The following FMNL3 variants were observed in gnomAD, a reference collection of about 807,000 sequenced individuals.
The protein encoded by FMNL3 is formin-like protein 3.
FMNL3 carries 57 observed loss-of-function variants against 119.6 expected under a neutral mutation model. The ratio of observed to expected loss-of-function variants is 0.48; its 90% CI spans 0.39 to 0.59. FMNL3 has a LOEUF of 0.59. Among genes scored for constraint, FMNL3 ranks in the 20% least tolerant of loss-of-function variants. The pLI, the probability that FMNL3 is intolerant of heterozygous loss-of-function variation, is 0.00. For synonymous variants in FMNL3, 491 were observed against 507.3 expected (o/e 0.97, Z 0.43); for missense variants, 1,053 against 1,323.5 (o/e 0.80, Z 3.17).
rs762915552 is a variant in FMNL3, at chr12:49,658,563, C to T, written c.484G>A (p.Asp162Asn). Residue 162 changes from aspartate to asparagine, a missense_variant, in exon 6 of 26, where the codon GAT (aspartate) becomes AAT (asparagine). Asp to Asn is a conservative substitution (Grantham distance 23, BLOSUM62 1). This residue lies in a region of FMNL3 where 264 missense variants were observed against 265.5 expected (regional missense o/e 0.99). Coordinates refer to ENST00000335154, the MANE Select transcript of FMNL3 (RefSeq NM_175736.5). ...GACCGGAGTTTGTCAAATGCACCAT[C>T]GTCACCACTTTCCAGACCCTCAAAG... ...FDFEGLESGD[D>N]GAFDKLRSWS... is the part of the protein sequence containing the mutation. 190 of 1,612,186 alleles carry T rather than the reference C, an allele frequency of 1.2e-4. No individual in the cohort carries two copies. Among genetic ancestry groups the T allele is most frequent in the Non-Finnish European group, 1.5e-4 (178 of 1,179,104 alleles).
chr12:49,675,420 A>G (rs1276946285), intron 1 of FMNL3, among the ~76,000 whole-genome samples: 1 of 152,134 alleles, frequency 6.6e-6, no homozygotes, highest in Non-Finnish European at 1.5e-5. Flanking sequence ...AGAGCCTCGC[A>G]TTCTCCCTGC....
chr12:49,656,773 C>A, intron 8 of FMNL3, 50 bp downstream of exon 8: 2 of 1,527,478 alleles, frequency 1.3e-6, no homozygotes, highest in Non-Finnish European at 1.8e-6. Flanking sequence ...GAGTACAGAT[C>A]TCCAGAGCCC....
chr12:49,701,078 CA>C (rs61171112), intron 1 of FMNL3, among the ~76,000 whole-genome samples: 25,454 of 75,708 alleles, frequency 0.34, 2,906 homozygotes, highest in African/African-American at 0.54. Context: ...GACTCCATCT[CA>C]AAAAAAAAAA....
chr12:49,645,546 T>G lies in FMNL3; in HGVS notation c.*269A>C. 2.2e-6 allele frequency: 1 copy of G among 446,110 alleles called. No homozygotes were observed. The highest frequency in any genetic ancestry group is 3.9e-5 in the South Asian group (1 of 25,480). 27.6% of individuals were successfully genotyped at this position (446,110 alleles called of 1,614,324 possible). A position where few individuals can be genotyped will look rare whatever the true frequency, so the allele number is the denominator to read the frequency against. On this transcript the variant is annotated 3_prime_UTR_variant, in exon 26 of 26. Coordinates refer to ENST00000335154, the MANE Select transcript of FMNL3 (RefSeq NM_175736.5). ...GCCCTGTTTAGGCTAAGGCTGGAAA[T>G]GGTTTTTCCTAGCCCTGAGCTGACC... is the stretch of plus-strand genomic sequence containing the variant.
In FMNL3 at chr12:49,665,782, G is replaced by A. The variant is rs768393750; in HGVS notation, c.368+50C>T. ...GAGGACACCAGACCCTGTGTGCCCA[G>A]CCAGCAGCCTGGGGCCAGATGAAGA... is the stretch of plus-strand genomic sequence containing the variant. On this transcript the variant is annotated intron_variant, in intron 4 of 25. Transcript: ENST00000335154. The A allele has an allele frequency of 1.9e-6, 3 of 1,576,018 alleles. No individual in the cohort carries two copies. The Admixed American group carries it at 5.0e-5, about 26-fold the overall frequency.
chr12:49,649,075 C>G lies in FMNL3; in HGVS notation c.2469G>C (p.Leu823=). 1 of 1,612,866 alleles carries G rather than the reference C, an allele frequency of 6.2e-7. No homozygotes were observed. Among genetic ancestry groups the G allele is most frequent in the Non-Finnish European group, 8.5e-7 (1 of 1,179,310 alleles). The change falls in exon 21 of 26, where the codon CTG becomes CTC. Residue 823 remains leucine (L), a synonymous_variant. Coordinates refer to ENST00000335154, the MANE Select transcript of FMNL3 (RefSeq NM_175736.5). This position sits in a 1 kb window ranked among gnomAD's most constrained non-coding sequence, Gnocchi z 5.6. ...ALTVKEKYPD[L]ANFWHELHFV... ...AGTGCAGCTCATGCCAGAAGTTAGC[C>G]AGGTCTGGGTATTTCTCCTTCACTG...
chr12:49,651,857 G>A, intron 14 of FMNL3, 76 bp downstream of exon 14: 1 of 1,459,626 alleles, frequency 6.9e-7, no homozygotes. Flanking sequence ...TCTCCCTGAG[G>A]AAGACACTGC....
Position 49,636,959 on chromosome 12 carries a change from G to C in FMNL3, c.*8856C>G, listed in dbSNP as rs1941900853. ...ACGCTGCCTGTTCTTTCTGTGCCTA[G>C]CCCTGTCCAAGCTCTATGAGACCTC... On this transcript the variant is annotated 3_prime_UTR_variant, in exon 26 of 26. Transcript: ENST00000335154. 1 of 1,517,676 alleles carries C rather than the reference G, an allele frequency of 6.6e-7. No individual in the cohort carries two copies. 94.0% of individuals were successfully genotyped at this position (1,517,676 alleles called of 1,614,324 possible).
Position 49,651,194 on chromosome 12 carries a change from C to T in FMNL3, c.1771G>A (p.Glu591Lys), listed in dbSNP as rs776117483. The change falls in exon 16 of 26, where the codon GAA (glutamate) becomes AAA (lysine). Residue 591 changes from glutamate to lysine, a missense_variant. Physicochemically the swap from Glu to Lys is moderately conservative, Grantham distance 56 (BLOSUM62 1). This residue lies in a region of FMNL3 where 445 missense variants were observed against 628.4 expected (regional missense o/e 0.71). Transcript: ENST00000335154. ...TCCAAGATCTTCTCATCATCAAGTT[C>T]GCTGAAGACAGTGCCACTGATCTGG... The part of the protein sequence containing the change: ...PNQISGTVFS[E>K]LDDEKILEDL... 1.1e-5 allele frequency: 17 copies of T among 1,613,352 alleles called. No individual in the cohort carries two copies. The highest frequency in any genetic ancestry group is 4.5e-5 in the East Asian group (2 of 44,872).
intron 1 of FMNL3, among the ~76,000 whole-genome samples, chr12:49,691,778 A>T (rs548661502): frequency 2.6e-5 from 4 of 152,230 alleles, no homozygotes; most frequent in Admixed American, 2.6e-4. Flanking sequence ...TCACGCCTAT[A>T]ATCCCAGCAC....
chr12:49,638,527 A>G lies in FMNL3; in HGVS notation c.*7288T>C, dbSNP rs1431480001. On this transcript the variant is annotated 3_prime_UTR_variant, in exon 26 of 26. Transcript: ENST00000335154. ...GCCTGTTGCTCTTCTTCTACTGGAG[A>G]AGAGAAATAGTTCTCAATATTTACA... 1 of 152,224 alleles carries G rather than the reference A, an allele frequency of 6.6e-6. No individual in the cohort carries two copies. Among genetic ancestry groups the G allele is most frequent in the Non-Finnish European group, 1.5e-5 (1 of 68,038 alleles). The allele number at this position is 152,224 out of a possible 1,614,324, so 9.4% of individuals were successfully genotyped here.
intron 4 of FMNL3, among the ~76,000 whole-genome samples, chr12:49,662,929 C>T (rs1368965463): frequency 2.0e-5 from 3 of 152,214 alleles, no homozygotes; most frequent in Non-Finnish European, 4.4e-5. Context: ...GTGCTCTACT[C>T]CTTCAGAATT....
At chr12:49,699,721 CAT>C (rs1944849996) in intron 1 of FMNL3, among the ~76,000 whole-genome samples, 1 of 152,098 alleles carries the variant, frequency 6.6e-6, no homozygotes, top group Non-Finnish European at 1.5e-5. Context: ...ATTACATAGA[CAT>C]ATGTATATAA....
rs570860061 is a variant in FMNL3, at chr12:49,648,016, T to G, written c.2676+177A>C. Among the ~76,000 whole-genome samples, 16 of 150,792 alleles carry G rather than the reference T, an allele frequency of 1.1e-4. 1 individual carries two copies. Among genetic ancestry groups the G allele is most frequent in the Admixed American group, 1.1e-3 (16 of 15,194 alleles). ...GCTGCCTGGCACTCCCAAAGCGCTC[T>G]CTCTCCCCTACATGTCTCCAGAGGC... On this transcript the variant is annotated intron_variant, in intron 22 of 25. Transcript: ENST00000335154.
rs906881875 is a variant in FMNL3 at position 49,691,698 on chromosome 12, A to C, written c.126+15357T>G. ...CTCTCTCGCACTTTTCTTTTGGCTT[A>C]GTGCGAAAAGTAAGAGAGGAGCCTT... On this transcript the variant is annotated intron_variant, in intron 1 of 25. Coordinates refer to ENST00000335154, the MANE Select transcript of FMNL3 (RefSeq NM_175736.5). Among the ~76,000 whole-genome samples the C allele has an allele frequency of 3.9e-5, 6 of 152,104 alleles. No individual in the cohort carries two copies. The South Asian group carries it at 1.0e-3, about 26-fold the overall frequency.
At chr12:49,656,572 G>T (rs1565873138) in intron 8 of FMNL3, 75 bp from the exon 9 acceptor site, 1 of 1,375,598 alleles carries the variant, frequency 7.3e-7, no homozygotes, top group South Asian at 1.3e-5. Context: ...CCCTGACTGG[G>T]TAAGTCCTTT....
intron 2 of FMNL3, among the ~76,000 whole-genome samples, chr12:49,667,227 G>A (rs968140847): frequency 2.0e-5 from 3 of 152,016 alleles, no homozygotes; most frequent in Middle Eastern, 3.4e-3. Context: ...AAATGTCCAG[G>A]AGAATGATAT....
At chr12:49,677,861 AT>A (rs1286272352) in intron 1 of FMNL3, among the ~76,000 whole-genome samples, 1 of 152,110 alleles carries the variant, frequency 6.6e-6, no homozygotes, top group African/African-American at 2.4e-5. Flanking sequence ...CACAGGATTT[AT>A]TTTATTATTA....
intron 1 of FMNL3, among the ~76,000 whole-genome samples, chr12:49,692,135 T>C (rs1432289820): frequency 6.6e-6 from 1 of 151,346 alleles, no homozygotes; most frequent in Non-Finnish European, 1.5e-5. Flanking sequence ...GGCAGATTGC[T>C]TGAGCCCATG....
Sources: allele counts gnomAD v4.1 joint callset (sites outside exome capture counted in the v4.1 genomes callset), GRCh38; gene constraint gnomAD v4.1.1; regional missense constraint gnomAD v4.1.1; non-coding constraint Gnocchi (gnomAD v3.1); transcripts MANE v1.5; gene names NCBI Gene and HGNC (gene_info 2026-07-23, HGNC 2026-07-21).